Variants in SCN7A observed in about 807,000 individuals in gnomAD.
SCN7A encodes the protein sodium voltage-gated channel alpha subunit 7, also known as sodium channel protein type 7 subunit alpha.
A neutral mutation model predicts 155.2 loss-of-function variants in SCN7A; 138 were observed. The ratio of observed to expected loss-of-function variants is 0.89; its 90% confidence interval spans 0.77 to 1.02. SCN7A has a LOEUF of 1.02. Among genes scored for constraint, SCN7A ranks in the 50% least tolerant of loss-of-function variants. The pLI, the probability that SCN7A is intolerant of heterozygous loss-of-function variation, is 0.00. For missense variants in SCN7A, 2,058 were observed against 1,986.6 expected, an observed-to-expected ratio of 1.04 and a Z score of -0.68; for synonymous variants, 693 against 649.0, an observed-to-expected ratio of 1.07 and a Z score of -1.03.
rs1701022348 is a variant in SCN7A at position 166,404,446 on chromosome 2, A to G, written c.*1134T>C. On this transcript the variant is annotated 3_prime_UTR_variant, in exon 26 of 26. Coordinates refer to ENST00000643258, the MANE Select transcript of SCN7A (RefSeq NM_002976.4). ...TATATAAGGGAAAACTAACTTGTAC[A>G]TACTGTTATAAAACAACAACAAATT... The G allele has an allele frequency of 6.6e-6, 1 of 151,964 alleles. No homozygotes were observed. The highest frequency in any genetic ancestry group is 2.4e-5 in the African/African-American group (1 of 41,422). 9.4% of individuals were successfully genotyped at this position (151,964 alleles called of 1,614,324 possible). A position where few individuals can be genotyped will look rare whatever the true frequency, so the allele number is the denominator to read the frequency against.
intron 7 of SCN7A, among the ~76,000 whole-genome samples, chr2:166,467,135 C>A (rs1004951130): frequency 6.6e-6 from 1 of 151,628 alleles, no homozygotes; most frequent in Non-Finnish European, 1.5e-5. Flanking sequence ...GTCAAATATA[C>A]TACAGTGGTT....
intron 9 of SCN7A, 131 bp from the exon 10 acceptor site, chr2:166,462,661 CCAAA>C (rs1301695461): frequency 8.3e-6 from 6 of 723,256 alleles, no homozygotes; most frequent in African/African-American, 7.0e-5. Flanking sequence ...ATGTCTGCTC[CCAAA>C]CAATTGCTTG....
intron 15 of SCN7A, among the ~76,000 whole-genome samples, chr2:166,437,547 C>A (rs1015532273): frequency 1.3e-5 from 2 of 152,170 alleles, no homozygotes; most frequent in African/African-American, 4.8e-5. Context: ...TCACTGTCCT[C>A]CAGACCCCAT....
At chr2:166,465,322 A>G in intron 9 of SCN7A, 140 bp downstream of exon 9, 2 of 673,310 alleles carry the variant, frequency 3.0e-6, no homozygotes, top group Admixed American at 5.7e-5. Flanking sequence ...TGAGTAGACT[A>G]AGACAACTTC....
At chr2:166,446,861 A>G (rs1034591188) in intron 12 of SCN7A, among the ~76,000 whole-genome samples, 3 of 152,098 alleles carry the variant, frequency 2.0e-5, no homozygotes, top group African/African-American at 4.8e-5. Flanking sequence ...CATCACACGC[A>G]GGGACCTGTC....
At position 166,422,174 on chromosome 2, in the gene SCN7A, T is replaced by C. The variant is rs139804785; in HGVS notation, c.3028-877A>G. Among the ~76,000 whole-genome samples, 19 of 152,136 alleles carry C rather than the reference T, an allele frequency of 1.2e-4. 1 individual carries two copies. In the East Asian group the frequency reaches 3.3e-3, roughly 26 times the overall value. The stretch of plus-strand genomic sequence containing the variant: ...GCTATTTTAAATCATTAATTGTAGA[T>C]TGGGGAGCTTCTATCATTGTTTATA... On this transcript the variant is annotated intron_variant, in intron 19 of 25. Coordinates refer to ENST00000643258, the MANE Select transcript of SCN7A (RefSeq NM_002976.4).
chr2:166,441,274 GTGGGTTACTCTAT>G (rs1445563644), intron 15 of SCN7A, 109 bp downstream of exon 15: 1 of 632,832 alleles, frequency 1.6e-6, no homozygotes, highest in African/African-American at 1.8e-5. Flanking sequence ...CATCTGGCTA[GTGGGTTACTCTAT>G]TGGACTACCA....
chr2:166,404,096 A>C lies in SCN7A; in HGVS notation c.*1484T>G, dbSNP rs1701014406. 1 of 151,946 alleles carries C rather than the reference A, an allele frequency of 6.6e-6. No homozygotes were observed. The highest frequency in any genetic ancestry group is 2.4e-5 in the African/African-American group (1 of 41,414). 9.4% of individuals were successfully genotyped at this position (151,946 alleles called of 1,614,324 possible). On this transcript the variant is annotated 3_prime_UTR_variant, in exon 26 of 26. Transcript: ENST00000643258. ...GAATAAAATACAATCACTGATACAT[A>C]AACTATATTGAATGTTATACAACAT...
rs1702525594 is a variant in SCN7A at position 166,465,950 on chromosome 2, C to A, written c.702G>T (p.Leu234Phe). 6.2e-7 allele frequency: 1 copy of A among 1,613,176 alleles called. No homozygotes were observed. Among genetic ancestry groups the A allele is most frequent in the African/African-American group, 1.3e-5 (1 of 75,020 alleles). Residue 234 changes from leucine (L) to phenylalanine (F), a missense_variant, in exon 8 of 26, where the codon TTG becomes TTT. Coordinates refer to ENST00000643258, the MANE Select transcript of SCN7A (RefSeq NM_002976.4). ...KSLVGVLIHC[L>F]KQLIGVIILT... ...GGATAATGACACCAATAAGCTGCTT[C>A]AAGCAGTGGATCAGGACCCCTACAA... is the stretch of plus-strand genomic sequence containing the variant.
At chr2:166,458,144 T>C (rs1236882154) in intron 10 of SCN7A, among the ~76,000 whole-genome samples, 3 of 151,938 alleles carry the variant, frequency 2.0e-5, no homozygotes, top group African/African-American at 2.4e-5. Context: ...ATAAAGTACA[T>C]TGCAAATCCC....
At chr2:166,440,895 G>C (rs1272427402) in intron 15 of SCN7A, 1 of 156,562 alleles carries the variant, frequency 6.4e-6, no homozygotes, top group African/African-American at 2.4e-5. Flanking sequence ...ACCAATAGGT[G>C]GTGTATACAG....
In SCN7A at chr2:166,405,590, C is replaced by T; in HGVS notation, c.5039G>A (p.Ser1680Asn). ...DKAKEKSPIQ[S>N]QI ...AGGTGGTAAGTGGTATTAGATCTGG[C>T]TTTGAATAGGTGACTTTTCCTTAGC... The change falls in exon 26 of 26, where the codon AGC becomes AAC. Residue 1680 changes from serine to asparagine, a missense_variant. By Grantham distance (46) the Ser-to-Asn change is conservative. Coordinates refer to ENST00000643258, the MANE Select transcript of SCN7A (RefSeq NM_002976.4). The T allele has an allele frequency of 3.2e-6, 5 of 1,582,142 alleles. No homozygotes were observed. Among genetic ancestry groups the T allele is most frequent in the Non-Finnish European group, 4.3e-6 (5 of 1,165,814 alleles).
At chr2:166,414,530 G>A (rs1054274970) in intron 21 of SCN7A, 4 of 138,626 alleles carry the variant, frequency 2.9e-5, no homozygotes, top group East Asian at 4.1e-4. Context: ...TCGGTCACCC[G>A]GAAGTCTATA....
intron 1 of SCN7A, among the ~76,000 whole-genome samples, chr2:166,488,407 C>T (rs1330304413): frequency 1.3e-5 from 2 of 151,938 alleles, no homozygotes; most frequent in Non-Finnish European, 2.9e-5. Flanking sequence ...GAAGCAGAAA[C>T]CTATGAGGAA....
At chr2:166,428,044 A>T in intron 17 of SCN7A, 102 bp from the exon 18 acceptor site, 2 of 1,168,114 alleles carry the variant, frequency 1.7e-6, no homozygotes, top group Non-Finnish European at 2.4e-6. Context: ...TTATTTACAA[A>T]TTCTAATCCA....
At chr2:166,469,461 ACTTT>A (rs764532399) in intron 7 of SCN7A, among the ~76,000 whole-genome samples, 29 of 151,824 alleles carry the variant, frequency 1.9e-4, no homozygotes, top group South Asian at 8.3e-4. Flanking sequence ...AAAAGAGGAT[ACTTT>A]CTTTCTATTA....
At chr2:166,490,077 TC>T (rs199671998) in intron 1 of SCN7A, among the ~76,000 whole-genome samples, 1 of 152,074 alleles carries the variant, frequency 6.6e-6, no homozygotes, top group Admixed American at 6.6e-5. Flanking sequence ...ATATCCATTA[TC>T]TCACAGACTT....
intron 7 of SCN7A, among the ~76,000 whole-genome samples, chr2:166,466,620 CA>C (rs1702540413): frequency 1.3e-5 from 2 of 152,090 alleles, no homozygotes; most frequent in Admixed American, 1.3e-4. Context: ...AATCATATCT[CA>C]TAGAATTACT....
chr2:166,414,028 A>AT (rs1559087861), intron 21 of SCN7A, among the ~76,000 whole-genome samples: 2 of 84,634 alleles, frequency 2.4e-5, no homozygotes, highest in Non-Finnish European at 4.6e-5. Context: ...ATGTAAATAT[A>AT]TATAAATATA....
Sources: gnomAD v4.1 joint callset for allele counts (sites outside exome capture counted in the v4.1 genomes callset) on GRCh38, gnomAD v4.1.1 for gene constraint, MANE v1.5 for transcripts, NCBI Gene and HGNC (gene_info 2026-07-23, HGNC 2026-07-21) for gene names.